The following NDC80 variants were observed in gnomAD, a reference collection of about 807,000 sequenced individuals.
NDC80 encodes NDC80 kinetochore complex component.
A neutral mutation model predicts 89.3 loss-of-function variants in NDC80; 69 were observed. That is an observed-to-expected ratio of 0.77 (90% CI 0.64 to 0.94). The LOEUF is 0.94. NDC80 is among the 40% of genes least tolerant of loss of function. The pLI, the probability that NDC80 is intolerant of heterozygous loss-of-function variation, is 0.00. For missense variants in NDC80, 593 were observed against 739.6 expected (o/e 0.80, Z 2.30); for synonymous variants, 243 against 255.6 (o/e 0.95, Z 0.47).
At chr18:2,598,921 G>C in intron 11 of NDC80, 98 bp from the exon 12 acceptor site, 1 of 1,169,940 alleles carries the variant, frequency 8.5e-7, no homozygotes, top group Non-Finnish European at 1.2e-6. Context: ...ACTAAAAATA[G>C]GTGTGATATG....
rs758846631 is a variant in NDC80, at chr18:2,577,765, C to T, written c.199C>T (p.Arg67Trp). The change falls in exon 4 of 17, where the codon CGG becomes TGG. Residue 67 changes from arginine (R) to tryptophan (W), a missense_variant. By Grantham distance (101) the Arg-to-Trp change is moderately radical. Transcript: ENST00000261597. Reference protein sequence around the residue: ...FGKRTSGHGSRNSQLGIFSSS... With the variant: ...FGKRTSGHGSWNSQLGIFSSS... Reference sequence around the variant, plus strand: ...TTCCAGAACTAGTGGACATGGATCCCGGAATAGTCAACTTGGTATATTTTC... The same window carrying T: ...TTCCAGAACTAGTGGACATGGATCCTGGAATAGTCAACTTGGTATATTTTC... 17 of 1,613,750 alleles carry T rather than the reference C, an allele frequency of 1.1e-5. No individual in the cohort carries two copies. The highest frequency in any genetic ancestry group is 1.3e-5 in the African/African-American group (1 of 74,864).
At chr18:2,579,326 A>G (rs2072564327) in intron 6 of NDC80, 1 of 253,828 alleles carries the variant, frequency 3.9e-6, no homozygotes, top group Admixed American at 5.4e-5. Context: ...TTTTTAATTA[A>G]AATCCATATT....
chr18:2,583,933 T>C (rs1598365916), intron 6 of NDC80, among the ~76,000 whole-genome samples: 2 of 152,160 alleles, frequency 1.3e-5, no homozygotes, highest in African/African-American at 4.8e-5. Context: ...TAACGCATAG[T>C]CCTTTTCTTA....
Position 2,573,064 on chromosome 18 carries a change from C to T in NDC80, c.79C>T (p.Gln27Ter), listed in dbSNP as rs769068530. Residue 27 changes from glutamine to a stop codon, truncating the protein, a stop_gained, in exon 2 of 17, where the codon CAA becomes TAA. Coordinates refer to ENST00000261597, the MANE Select transcript of NDC80 (RefSeq NM_006101.3). LOFTEE classifies it high-confidence loss of function. ...QELRSQDVNKQGLYTPQTKEK... is the reference protein window; with the variant it reads ...QELRSQDVNK ...GTTAAGATCCCAGGATGTAAATAAA[C>T]AAGGCCTCTATACCCCTCAAACGTG... The T allele has an allele frequency of 6.2e-7, 1 of 1,614,024 alleles. No individual in the cohort carries two copies. Among genetic ancestry groups the T allele is most frequent in the Non-Finnish European group, 8.5e-7 (1 of 1,179,946 alleles).
At chr18:2,614,156 TGGCTG>T (rs749666207) in intron 16 of NDC80, among the ~76,000 whole-genome samples, 1 of 152,056 alleles carries the variant, frequency 6.6e-6, no homozygotes, top group Non-Finnish European at 1.5e-5. Flanking sequence ...AACAATTTGG[TGGCTG>T]GGCACAGTGG....
chr18:2,580,336 CTT>C (rs981678012), intron 6 of NDC80, among the ~76,000 whole-genome samples: 1 of 146,728 alleles, frequency 6.8e-6, no homozygotes, highest in African/African-American at 2.5e-5. Flanking sequence ...TTCTCTCTCT[CTT>C]TTTTTTTTTA....
At chr18:2,581,489 C>A (rs1292410156) in intron 6 of NDC80, among the ~76,000 whole-genome samples, 4 of 152,262 alleles carry the variant, frequency 2.6e-5, no homozygotes, top group African/African-American at 4.8e-5. Context: ...GACAAAACCC[C>A]ATCTCTACTA....
chr18:2,592,465 C>T (rs1042350671), intron 10 of NDC80, among the ~76,000 whole-genome samples: 17 of 151,268 alleles, frequency 1.1e-4, no homozygotes, highest in African/African-American at 3.6e-4. Context: ...AAGCAAGTCT[C>T]CTCCCTCAGT....
intron 6 of NDC80, chr18:2,582,500 G>A (rs1052235003): frequency 6.6e-6 from 1 of 151,832 alleles, no homozygotes; most frequent in Non-Finnish European, 1.5e-5. Context: ...AGAGTTTTTT[G>A]TGTTTACTAC....
At chr18:2,609,304 G>A (rs987935870) in intron 15 of NDC80, among the ~76,000 whole-genome samples, 3 of 152,060 alleles carry the variant, frequency 2.0e-5, no homozygotes. Flanking sequence ...TTACCATGCT[G>A]TGCAAAATCA....
chr18:2,582,421 A>G (rs2072583076), intron 6 of NDC80: 1 of 152,092 alleles, frequency 6.6e-6, no homozygotes, highest in Non-Finnish European at 1.5e-5. Context: ...TATCAATGCC[A>G]TGTGTTTTGT....
Position 2,573,047 on chromosome 18 carries a change from C to A in NDC80, c.62C>A (p.Ser21Tyr). 6.2e-7 allele frequency: 1 copy of A among 1,614,018 alleles called. No individual in the cohort carries two copies. The highest frequency in any genetic ancestry group is 8.5e-7 in the Non-Finnish European group (1 of 1,179,950). The stretch of plus-strand genomic sequence containing the variant: ...CGCCTCTCCATGCAGGAGTTAAGAT[C>A]CCAGGATGTAAATAAACAAGGCCTC... ...AGRLSMQELR[S>Y]QDVNKQGLYT... Residue 21 changes from serine to tyrosine, a missense_variant, in exon 2 of 17, where the codon TCC (serine) becomes TAC (tyrosine). Ser to Tyr is a moderately radical substitution (Grantham distance 144, BLOSUM62 -2). Coordinates refer to ENST00000261597, the MANE Select transcript of NDC80 (RefSeq NM_006101.3).
At chr18:2,608,628 T>C in intron 14 of NDC80, 72 bp from the exon 15 acceptor site, 2 of 1,420,836 alleles carry the variant, frequency 1.4e-6, no homozygotes, top group African/African-American at 1.4e-5. Context: ...TTTTTATAAT[T>C]GTTTTAAATC....
chr18:2,578,574 A>G (rs535452602), intron 5 of NDC80, among the ~76,000 whole-genome samples: 115 of 152,338 alleles, frequency 7.5e-4, no homozygotes, highest in African/African-American at 2.5e-3. Flanking sequence ...CCTGGTGAAA[A>G]CAGAGTGTGA....
intron 11 of NDC80, among the ~76,000 whole-genome samples, chr18:2,596,943 G>T (rs1004253862): frequency 6.6e-6 from 1 of 151,720 alleles, no homozygotes; most frequent in Admixed American, 6.6e-5. Context: ...ACCAAACACC[G>T]CATATTCTCA....
Position 2,616,591 on chromosome 18 carries a change from A to G in NDC80, c.*17A>G. The G allele has an allele frequency of 7.6e-7, 1 of 1,310,928 alleles. No individual in the cohort carries two copies. The highest frequency in any genetic ancestry group is 2.5e-5 in the East Asian group (1 of 39,796). The allele number at this position is 1,310,928 out of a possible 1,614,324, so 81.2% of individuals were successfully genotyped here. A position where few individuals can be genotyped will look rare whatever the true frequency, so the allele number is the denominator to read the frequency against. ...GAAGAATGAAGATAAAATGTTGATC[A>G]TGTATATATATCCATAGTGAATAAA... On this transcript the variant is annotated 3_prime_UTR_variant, in exon 17 of 17. Transcript: ENST00000261597.
At chr18:2,579,458 CGCTGTGTTGCCCAG>C (rs1418085523) in intron 6 of NDC80, among the ~76,000 whole-genome samples, 9 of 152,100 alleles carry the variant, frequency 5.9e-5, no homozygotes, top group Non-Finnish European at 8.8e-5. Flanking sequence ...GAGGGAGTCT[CGCTGTGTTGCCCAG>C]GCTGGAGTGC....
chr18:2,590,726 T>C (rs1366411938), intron 10 of NDC80, among the ~76,000 whole-genome samples: 1 of 152,210 alleles, frequency 6.6e-6, no homozygotes. Context: ...TAGAACTTTA[T>C]ATATTTAGGT....
In NDC80 at chr18:2,572,727, C is replaced by T. The variant is rs929315137; in HGVS notation, c.-9-250C>T. On this transcript the variant is annotated intron_variant, in intron 1 of 16. Transcript: ENST00000261597. ...TTTGCATCTCCTGCATTGCCTAGCA[C>T]ACTCCCCTATATATATAGTGGGCAG... is the stretch of plus-strand genomic sequence containing the variant. 3.3e-5 allele frequency among the ~76,000 whole-genome samples: 5 copies of T among 152,294 alleles called. No homozygotes were observed. The East Asian group carries it at 7.7e-4, about 24-fold the overall frequency.
Sources: gnomAD v4.1 joint callset for allele counts (sites outside exome capture counted in the v4.1 genomes callset) on GRCh38, gnomAD v4.1.1 for gene constraint, MANE v1.5 for transcripts, NCBI Gene and HGNC (gene_info 2026-07-23, HGNC 2026-07-21) for gene names.